CUL1: variants seen among roughly 807,000 people sequenced by gnomAD.
The protein encoded by CUL1 is cullin-1.
In CUL1, 24 loss-of-function variants were observed where a neutral mutation model predicts 118.0. The ratio of observed to expected loss-of-function variants is 0.20; its 90% CI spans 0.15 to 0.29. The LOEUF is 0.29. CUL1 is among the 10% of genes least tolerant of loss of function. The probability of loss-of-function intolerance (pLI) is 1.00; values close to 1 mark genes in which losing one functional copy is unlikely to be tolerated. For synonymous variants in CUL1, 332 were observed against 340.4 expected, an observed-to-expected ratio of 0.98 and a Z score of 0.27; for missense variants, 361 against 933.8, an observed-to-expected ratio of 0.39 and a Z score of 7.99.
chr7:148,723,031 T>C (rs1798444745), intron 1 of CUL1, among the ~76,000 whole-genome samples: 1 of 152,226 alleles, frequency 6.6e-6, no homozygotes, highest in Non-Finnish European at 1.5e-5. Flanking sequence ...TAGTTAGCAT[T>C]TTTGAAACAG....
rs73465483 is a variant in CUL1 at position 148,715,011 on chromosome 7, A to C, written c.-161-14951A>C. 3.5e-3 allele frequency among the ~76,000 whole-genome samples: 528 copies of C among 152,184 alleles called. 2 individuals are homozygous for C. The highest frequency in any genetic ancestry group is 0.012 in the African/African-American group (501 of 41,526). On this transcript the variant is annotated intron_variant, in intron 1 of 21. Coordinates refer to ENST00000325222, the MANE Select transcript of CUL1 (RefSeq NM_003592.3). ...AGCCCTCCTCCTGCCTCAGCCTCCC[A>C]AGTTGTATCTTATTTTTGAATAAGG...
At chr7:148,707,127 A>G (rs769620928) in intron 1 of CUL1, among the ~76,000 whole-genome samples, 9 of 152,178 alleles carry the variant, frequency 5.9e-5, no homozygotes, top group Admixed American at 2.6e-4. Flanking sequence ...CCATATTAAC[A>G]TGTTTTGTAG....
intron 14 of CUL1, 87 bp from the exon 15 acceptor site, chr7:148,789,663 A>G (rs1800941574): frequency 1.0e-6 from 1 of 997,144 alleles, no homozygotes; most frequent in Non-Finnish European, 1.6e-6. Context: ...AGCAATCCAC[A>G]TTCATCTGAA....
chr7:148,764,879 GT>G (rs1238033745), intron 7 of CUL1, among the ~76,000 whole-genome samples: 1 of 152,204 alleles, frequency 6.6e-6, no homozygotes, highest in East Asian at 1.9e-4. Flanking sequence ...CATGGTATAG[GT>G]TTTTCGTAAC....
intron 9 of CUL1, among the ~76,000 whole-genome samples, chr7:148,779,157 T>C (rs549418021): frequency 2.0e-5 from 3 of 152,366 alleles, no homozygotes; most frequent in Non-Finnish European, 4.4e-5. Context: ...GAAATTGGCC[T>C]TTAGAATTAT....
rs150356976 is a variant in CUL1, at chr7:148,706,881, T to G, written c.-162+7852T>G. On this transcript the variant is annotated intron_variant, in intron 1 of 21. Transcript: ENST00000325222. ...TTTTATTTAGGCCAATATTTGGCTG[T>G]CTGTGTTCTGTGATATGTAAGGTAT... Among the ~76,000 whole-genome samples, 429 of 152,322 alleles carry G rather than the reference T, an allele frequency of 2.8e-3. 2 individuals carry two copies. The highest frequency in any genetic ancestry group is 3.8e-3 in the Non-Finnish European group (259 of 68,028).
At chr7:148,718,347 A>G (rs936152612) in intron 1 of CUL1, among the ~76,000 whole-genome samples, 1 of 152,194 alleles carries the variant, frequency 6.6e-6, no homozygotes, top group Non-Finnish European at 1.5e-5. Flanking sequence ...ATCACCCTGT[A>G]AAGATCCTTT....
intron 17 of CUL1, among the ~76,000 whole-genome samples, chr7:148,794,684 C>G (rs2129463525): frequency 6.6e-6 from 1 of 152,274 alleles, no homozygotes; most frequent in South Asian, 2.1e-4. Context: ...TATTTTAAGT[C>G]TCCCACTCCA....
chr7:148,796,376 T>C (rs1250922532), intron 17 of CUL1, among the ~76,000 whole-genome samples: 1 of 152,206 alleles, frequency 6.6e-6, no homozygotes, highest in Admixed American at 6.5e-5. Context: ...GCCGGTATTT[T>C]CTCGAGTTTT....
intron 2 of CUL1, among the ~76,000 whole-genome samples, chr7:148,742,598 G>GTTTTTTTTTTTTTTTTTTTTTTT (rs59592789): frequency 1.8e-5 from 2 of 112,162 alleles, no homozygotes; most frequent in Non-Finnish European, 3.6e-5. Flanking sequence ...ACCTTTTCTG[G>GTTTTTTTTTTTTTTTTTTTTTTT]TTTTTTTTTT....
intron 9 of CUL1, 158 bp from the exon 10 acceptor site, chr7:148,783,625 G>T (rs760469070): frequency 6.5e-7 from 1 of 1,534,936 alleles, no homozygotes; most frequent in Non-Finnish European, 8.8e-7. Context: ...GTGTTTCAAC[G>T]ATGGTACCAA....
At chr7:148,786,455 C>T in intron 11 of CUL1, 96 bp from the exon 12 acceptor site, 1 of 954,540 alleles carries the variant, frequency 1.0e-6, no homozygotes, top group Non-Finnish European at 1.7e-6. Context: ...CTGATGAGAA[C>T]TGATCTTTTG....
At chr7:148,752,787 T>C (rs1799531940) in intron 2 of CUL1, among the ~76,000 whole-genome samples, 1 of 152,178 alleles carries the variant, frequency 6.6e-6, no homozygotes, top group Non-Finnish European at 1.5e-5. Context: ...TAGCTGGGAC[T>C]ACAGGCGCCT....
chr7:148,752,239 T>G lies in CUL1; in HGVS notation c.141-1737T>G, dbSNP rs571293226. Reference sequence around the variant, plus strand: ...TATTTGCTAGGGTAAGAGGAAGGAGTGGGATGAAAGAGGGAGAATATAGTG... The same window carrying G: ...TATTTGCTAGGGTAAGAGGAAGGAGGGGGATGAAAGAGGGAGAATATAGTG... On this transcript the variant is annotated intron_variant, in intron 2 of 21. Transcript: ENST00000325222. 1.4e-4 allele frequency among the ~76,000 whole-genome samples: 21 copies of G among 151,318 alleles called. No homozygotes were observed. In the East Asian group the frequency reaches 2.7e-3, roughly 20 times the overall value.
At chr7:148,793,370 A>G (rs1244567989) in intron 17 of CUL1, among the ~76,000 whole-genome samples, 1 of 152,218 alleles carries the variant, frequency 6.6e-6, no homozygotes, top group Non-Finnish European at 1.5e-5. Context: ...GGTTTTTAGT[A>G]TATTCACAAG....
intron 1 of CUL1, among the ~76,000 whole-genome samples, chr7:148,718,707 G>A (rs1022028156): frequency 7.4e-6 from 1 of 135,922 alleles, no homozygotes; most frequent in African/African-American, 3.0e-5. Flanking sequence ...AAGTCTTTGG[G>A]TGGATGTATG....
At position 148,704,817 on chromosome 7, in the gene CUL1, AT is replaced by A. The variant is rs569680263; in HGVS notation, c.-162+5798del. Reference sequence around the variant, plus strand: ...TAGTTTCTCTTAGCAGTAGGTTATTATTTTTTTTTTCCTCCAACTTTCTACA... The same window carrying A: ...TAGTTTCTCTTAGCAGTAGGTTATTATTTTTTTTTCCTCCAACTTTCTACA... On this transcript the variant is annotated intron_variant, in intron 1 of 21. Coordinates refer to ENST00000325222, the MANE Select transcript of CUL1 (RefSeq NM_003592.3). 4.9e-4 allele frequency among the ~76,000 whole-genome samples: 71 copies of A among 145,764 alleles called. 1 individual carries two copies. Among genetic ancestry groups the A allele is most frequent in the Middle Eastern group, 7.0e-3 (2 of 284 alleles).
At chr7:148,722,539 ACCT>A in intron 1 of CUL1, among the ~76,000 whole-genome samples, 1 of 151,938 alleles carries the variant, frequency 6.6e-6, no homozygotes, top group East Asian at 1.9e-4. Flanking sequence ...GCAGGGGTCC[ACCT>A]CCTCCTCATG....
In CUL1 at chr7:148,800,694, A is replaced by G; in HGVS notation, c.*112A>G. On this transcript the variant is annotated 3_prime_UTR_variant, in exon 22 of 22. Coordinates refer to ENST00000325222, the MANE Select transcript of CUL1 (RefSeq NM_003592.3). The surrounding 1 kb of genome is among the most constrained non-coding windows in gnomAD (Gnocchi z 4.6). ...CCTGCCGCCATTGGACCTCCCTTTT[A>G]AAAACTGAGACCAAGACTCCCATCA... The G allele has an allele frequency of 1.3e-6, 1 of 761,008 alleles. No individual in the cohort carries two copies. Among genetic ancestry groups the G allele is most frequent in the African/African-American group, 1.8e-5 (1 of 56,736 alleles). 47.1% of individuals were successfully genotyped at this position (761,008 alleles called of 1,614,324 possible).
Sources: gnomAD v4.1 joint callset for allele counts (sites outside exome capture counted in the v4.1 genomes callset) on GRCh38, gnomAD v4.1.1 for gene constraint, Gnocchi (gnomAD v3.1) non-coding constraint, MANE v1.5 for transcripts, NCBI Gene and HGNC (gene_info 2026-07-23, HGNC 2026-07-21) for gene names.